Variants in GALNT10 observed in about 807,000 individuals in gnomAD.
GALNT10 encodes polypeptide N-acetylgalactosaminyltransferase 10.
GALNT10 carries 41 observed loss-of-function variants against 75.0 expected under a neutral mutation model. The ratio of observed to expected loss-of-function variants is 0.55; its 90% CI spans 0.43 to 0.71. The LOEUF (loss-of-function observed/expected upper bound fraction) is 0.71, where lower values mean the gene tolerates loss of function less well. Among genes scored for constraint, GALNT10 ranks in the 30% least tolerant of loss-of-function variants. The probability of loss-of-function intolerance (pLI) is 0.00; values close to 1 mark genes in which losing one functional copy is unlikely to be tolerated. For synonymous variants in GALNT10, 302 were observed against 313.0 expected, an observed-to-expected ratio of 0.96 and a Z score of 0.37; for missense variants, 727 against 818.5, an observed-to-expected ratio of 0.89 and a Z score of 1.36.
At chr5:154,273,509 C>T (rs886651836) in intron 1 of GALNT10, among the ~76,000 whole-genome samples, 3 of 152,150 alleles carry the variant, frequency 2.0e-5, no homozygotes, top group African/African-American at 7.2e-5. Context: ...GAGAGGGTTG[C>T]CAGGAGCATA....
chr5:154,286,051 C>T (rs970764266), intron 1 of GALNT10, among the ~76,000 whole-genome samples: 9 of 152,178 alleles, frequency 5.9e-5, no homozygotes, highest in African/African-American at 2.2e-4. Context: ...TGGATCAGAT[C>T]CCCCCAGTCT....
Position 154,250,082 on chromosome 5 carries a change from C to T in GALNT10, c.160-44734C>T, listed in dbSNP as rs140824973. Among the ~76,000 whole-genome samples, 428 of 152,210 alleles carry T rather than the reference C, an allele frequency of 2.8e-3. 1 individual carries two copies. The highest frequency in any genetic ancestry group is 9.8e-3 in the African/African-American group (405 of 41,524). On this transcript the variant is annotated intron_variant, in intron 1 of 11. Coordinates refer to ENST00000297107, the MANE Select transcript of GALNT10 (RefSeq NM_198321.4). ...TTTATTTCCTTTTCATTTTTCTCCCCGTTCCCGGGGATCAACTCCTTTAAG... is the reference window on the plus strand; with the variant it reads ...TTTATTTCCTTTTCATTTTTCTCCCTGTTCCCGGGGATCAACTCCTTTAAG...
intron 4 of GALNT10, among the ~76,000 whole-genome samples, chr5:154,367,871 AAG>A (rs1190392254): frequency 6.6e-5 from 10 of 152,018 alleles, no homozygotes; most frequent in African/African-American, 2.4e-4. Context: ...AAAAAAAAAA[AAG>A]AGAGAGACTC....
chr5:154,223,730 G>T (rs1485221481), intron 1 of GALNT10, among the ~76,000 whole-genome samples: 1 of 152,036 alleles, frequency 6.6e-6, no homozygotes, highest in Admixed American at 6.5e-5. Flanking sequence ...CACCAGCCTG[G>T]CCAACATGGT....
chr5:154,266,759 G>A (rs184418634), intron 1 of GALNT10, among the ~76,000 whole-genome samples: 110 of 152,236 alleles, frequency 7.2e-4, no homozygotes, highest in African/African-American at 2.4e-3. Context: ...GTGCCTACCT[G>A]TAGTCCTAGC....
chr5:154,359,718 A>C (rs1332177622), intron 4 of GALNT10, among the ~76,000 whole-genome samples: 1 of 151,506 alleles, frequency 6.6e-6, no homozygotes, highest in African/African-American at 2.4e-5. Flanking sequence ...GACCAGCTCT[A>C]AAAGTAGAGC....
intron 5 of GALNT10, among the ~76,000 whole-genome samples, chr5:154,377,804 AT>A (rs1362809705): frequency 6.6e-6 from 1 of 152,136 alleles, no homozygotes; most frequent in African/African-American, 2.4e-5. Flanking sequence ...TAAACTGTTT[AT>A]TTAATTAAAC....
intron 9 of GALNT10, among the ~76,000 whole-genome samples, chr5:154,410,707 G>A (rs926805108): frequency 4.6e-5 from 7 of 152,180 alleles, no homozygotes; most frequent in Admixed American, 1.3e-4. Context: ...CACACCCAGA[G>A]CGAGTTCCGG....
At chr5:154,380,287 G>T (rs967145682) in intron 5 of GALNT10, among the ~76,000 whole-genome samples, 161 bp from the exon 6 acceptor site, 1 of 151,974 alleles carries the variant, frequency 6.6e-6, no homozygotes, top group Non-Finnish European at 1.5e-5. Flanking sequence ...TGAGAGCCTC[G>T]GTCCCTCTTG....
intron 1 of GALNT10, among the ~76,000 whole-genome samples, chr5:154,231,824 A>C (rs1420380065): frequency 6.6e-6 from 1 of 152,192 alleles, no homozygotes; most frequent in African/African-American, 2.4e-5. Flanking sequence ...GGGATACAGA[A>C]AAGTCCTTTG....
At chr5:154,304,210 G>A (rs1754397991) in intron 3 of GALNT10, among the ~76,000 whole-genome samples, 2 of 152,130 alleles carry the variant, frequency 1.3e-5, no homozygotes, top group South Asian at 4.1e-4. Flanking sequence ...GTGTGTGTAA[G>A]GAAGTAATGG....
intron 1 of GALNT10, among the ~76,000 whole-genome samples, chr5:154,259,729 T>C (rs1339787815): frequency 6.6e-6 from 1 of 152,152 alleles, no homozygotes; most frequent in Non-Finnish European, 1.5e-5. Context: ...AGGTGTTGGT[T>C]TTGGCTTTTG....
Position 154,297,945 on chromosome 5 carries a change from T to C in GALNT10, c.267T>C (p.Asn89=). 14 of 1,612,988 alleles carry C rather than the reference T, an allele frequency of 8.7e-6. No homozygotes were observed. Among genetic ancestry groups the C allele is most frequent in the Non-Finnish European group, 1.2e-5 (14 of 1,179,528 alleles). Residue 89 remains asparagine (N), a synonymous_variant, in exon 3 of 12, where the codon AAT becomes AAC. Transcript: ENST00000297107. Reference sequence around the variant, plus strand: ...GAATTTGCTCTTTGCTTCTAGGAAATGGAGAACAAGGAAGACCTTACCCCA... The same window carrying C: ...GAATTTGCTCTTTGCTTCTAGGAAACGGAGAACAAGGAAGACCTTACCCCA... ...AIRRDAQRVG[N]GEQGRPYPMT...
chr5:154,314,799 C>T (rs1030472456), intron 3 of GALNT10, among the ~76,000 whole-genome samples: 3 of 151,544 alleles, frequency 2.0e-5, no homozygotes, highest in Non-Finnish European at 2.9e-5. Flanking sequence ...GGAGTCCAAG[C>T]ACTAAAAGCT....
chr5:154,215,125 C>T (rs545868515), intron 1 of GALNT10, among the ~76,000 whole-genome samples: 2 of 152,296 alleles, frequency 1.3e-5, no homozygotes, highest in Non-Finnish European at 2.9e-5. Context: ...TGGAAGGGAA[C>T]GTTAGGAATC....
At chr5:154,378,041 C>T (rs1581999725) in intron 5 of GALNT10, among the ~76,000 whole-genome samples, 1 of 152,180 alleles carries the variant, frequency 6.6e-6, no homozygotes, top group Non-Finnish European at 1.5e-5. Context: ...TCATAATCTG[C>T]AGACATACAT....
At chr5:154,395,187 G>C (rs184571827) in intron 7 of GALNT10, among the ~76,000 whole-genome samples, 178 of 152,296 alleles carry the variant, frequency 1.2e-3, no homozygotes, top group Admixed American at 2.6e-3. Context: ...GAACTAAATG[G>C]GATGATATGT....
At chr5:154,250,331 G>A (rs1389179056) in intron 1 of GALNT10, among the ~76,000 whole-genome samples, 6 of 152,132 alleles carry the variant, frequency 3.9e-5, no homozygotes, top group Non-Finnish European at 8.8e-5. Flanking sequence ...TTTCGATAAA[G>A]CCCATGCATC....
chr5:154,299,119 G>A (rs1754325154), intron 3 of GALNT10, among the ~76,000 whole-genome samples: 1 of 152,200 alleles, frequency 6.6e-6, no homozygotes, highest in South Asian at 2.1e-4. Context: ...CTTACTGTAT[G>A]CCAGGCATTT....
Sources: gnomAD v4.1 joint callset for allele counts (sites outside exome capture counted in the v4.1 genomes callset) on GRCh38, gnomAD v4.1.1 for gene constraint, MANE v1.5 for transcripts, NCBI Gene and HGNC (gene_info 2026-07-23, HGNC 2026-07-21) for gene names.